The following ANTXR1 variants were observed in gnomAD, a reference collection of about 807,000 sequenced individuals.
The protein encoded by ANTXR1 is anthrax toxin receptor 1.
In ANTXR1, 19 loss-of-function variants were observed where a neutral mutation model predicts 78.1. The observed-to-expected ratio is 0.24, with a 90% CI of 0.17 to 0.36. ANTXR1 has a LOEUF of 0.36. ANTXR1 is among the 10% of genes least tolerant of loss of function. ANTXR1 has a pLI of 1.00. For missense variants in ANTXR1, 518 were observed against 718.6 expected (o/e 0.72, Z 3.19); for synonymous variants, 273 against 260.5 (o/e 1.05, Z -0.46).
At chr2:69,240,775 G>A (rs1675876710) in intron 17 of ANTXR1, among the ~76,000 whole-genome samples, 1 of 151,530 alleles carries the variant, frequency 6.6e-6, no homozygotes, top group East Asian at 1.9e-4. Flanking sequence ...TGGCTGTGTA[G>A]TCTCGAGCAA....
intron 17 of ANTXR1, among the ~76,000 whole-genome samples, chr2:69,200,869 T>A (rs1674758139): frequency 6.6e-6 from 1 of 152,150 alleles, no homozygotes; most frequent in African/African-American, 2.4e-5. Flanking sequence ...TGATCTCCAT[T>A]TTAAAGAACA....
intron 12 of ANTXR1, among the ~76,000 whole-genome samples, chr2:69,130,840 G>T (rs1014307231): frequency 6.6e-6 from 1 of 152,122 alleles, no homozygotes; most frequent in East Asian, 1.9e-4. Context: ...CTGTATTTTA[G>T]GAGCAGGCTG....
chr2:69,124,583 C>G lies in ANTXR1; in HGVS notation c.891C>G (p.Val297=). 4 of 1,614,186 alleles carry G rather than the reference C, an allele frequency of 2.5e-6. No individual in the cohort carries two copies. Among genetic ancestry groups the G allele is most frequent in the Non-Finnish European group, 3.4e-6 (4 of 1,180,024 alleles). The change falls in exon 12 of 18, where the codon GTC becomes GTG. Residue 297 remains valine, a synonymous_variant. Transcript: ENST00000303714. ...ATTGCAGGAAAGCTGCACTCCAGGT[C>G]AGCATGAACGATGGCCTCTCTTTTA... is the stretch of plus-strand genomic sequence containing the variant. ...KEVGMKAALQ[V]SMNDGLSFIS... is the part of the protein sequence containing the mutation.
rs752183765 is a variant in ANTXR1 at position 69,245,316 on chromosome 2, C to T, written c.1526C>T (p.Ala509Val). The T allele has an allele frequency of 1.3e-6, 2 of 1,562,804 alleles. No individual in the cohort carries two copies. The highest frequency in any genetic ancestry group is 8.7e-7 in the Non-Finnish European group (1 of 1,148,368). Residue 509 changes from alanine (A) to valine (V), a missense_variant, in exon 18 of 18, where the codon GCC becomes GTC. Ala to Val is a moderately conservative substitution (Grantham distance 64, BLOSUM62 0). Around this residue, in one of 5 missense-constraint regions of ANTXR1, gnomAD observed 192 missense variants for 230.2 expected, o/e 0.83. Transcript: ENST00000303714. ...NAYHTSSPPP[A>V]PIYTPPPPAP... ...TACCACACCTCCTCGCCGCCTCCTG[C>T]CCCCATCTACACTCCCCCACCTCCT...
chr2:69,180,739 G>A (rs929509286), intron 14 of ANTXR1, among the ~76,000 whole-genome samples: 2 of 152,336 alleles, frequency 1.3e-5, no homozygotes, highest in South Asian at 2.1e-4. Flanking sequence ...TGGAACGTAC[G>A]TTCTAGTGTG....
intron 9 of ANTXR1, among the ~76,000 whole-genome samples, chr2:69,093,129 T>C (rs1671292129): frequency 1.3e-5 from 2 of 152,196 alleles, no homozygotes; most frequent in Non-Finnish European, 2.9e-5. Context: ...AGGAAACTTA[T>C]TTCTCTCTAC....
At chr2:69,142,581 G>A (rs552096818) in intron 12 of ANTXR1, among the ~76,000 whole-genome samples, 11 of 152,306 alleles carry the variant, frequency 7.2e-5, no homozygotes, top group South Asian at 4.1e-4. Context: ...TGGCAAAACC[G>A]TGTCCATTTT....
chr2:69,101,926 G>GC, intron 9 of ANTXR1, among the ~76,000 whole-genome samples: 1 of 152,322 alleles, frequency 6.6e-6, no homozygotes, highest in African/African-American at 2.4e-5. Context: ...TAATTATTGG[G>GC]TTTTTTCCAT....
chr2:69,245,320 C>T lies in ANTXR1; in HGVS notation c.1530C>T (p.Pro510=). 1 of 1,607,944 alleles carries T rather than the reference C, an allele frequency of 6.2e-7. No homozygotes were observed. The highest frequency in any genetic ancestry group is 1.1e-5 in the South Asian group (1 of 90,508). ...ACACCTCCTCGCCGCCTCCTGCCCC[C>T]ATCTACACTCCCCCACCTCCTGCGC... is the stretch of plus-strand genomic sequence containing the variant. ...AYHTSSPPPA[P]IYTPPPPAPH... Residue 510 remains proline (P), a synonymous_variant, in exon 18 of 18, where the codon CCC becomes CCT. Transcript: ENST00000303714.
intron 8 of ANTXR1, among the ~76,000 whole-genome samples, chr2:69,086,062 A>C (rs1322937773): frequency 6.6e-6 from 1 of 152,246 alleles, no homozygotes; most frequent in Non-Finnish European, 1.5e-5. Flanking sequence ...AGCAAAAGAC[A>C]CCTATACCAT....
chr2:69,144,450 C>T (rs1673162484), intron 12 of ANTXR1, among the ~76,000 whole-genome samples: 1 of 152,218 alleles, frequency 6.6e-6, no homozygotes, highest in Admixed American at 6.5e-5. Flanking sequence ...CTTGAAGGCA[C>T]TCCAAAGTGC....
At chr2:69,024,078 GA>G (rs1268455806) in intron 1 of ANTXR1, among the ~76,000 whole-genome samples, 1 of 152,114 alleles carries the variant, frequency 6.6e-6, no homozygotes, top group Non-Finnish European at 1.5e-5. Flanking sequence ...GAGGATGAAG[GA>G]AAAAAATAAT....
intron 17 of ANTXR1, among the ~76,000 whole-genome samples, chr2:69,241,485 A>T (rs568812040): frequency 2.6e-5 from 4 of 152,156 alleles, no homozygotes; most frequent in Non-Finnish European, 5.9e-5. Context: ...ACCTTTTTTC[A>T]GGAAGATAAA....
At position 69,100,006 on chromosome 2, in the gene ANTXR1, ATT is replaced by A. The variant is rs1671556913; in HGVS notation, c.704-2835_704-2834del. Among the ~76,000 whole-genome samples, 9 of 152,362 alleles carry A rather than the reference ATT, an allele frequency of 5.9e-5. No individual in the cohort carries two copies. In the Middle Eastern group the frequency reaches 0.02, roughly 345 times the overall value. On this transcript the variant is annotated intron_variant, in intron 9 of 17. Transcript: ENST00000303714. Reference sequence around the variant, plus strand: ...CCTTAAAGGATAGATAACTTAAAAGATTAAATCAAAGACCATTTTCAGGTGGA... The same window carrying A: ...CCTTAAAGGATAGATAACTTAAAAGAAAATCAAAGACCATTTTCAGGTGGA...
rs532535675 is a variant in ANTXR1 at position 69,247,449 on chromosome 2, G to A, written c.*1964G>A. On this transcript the variant is annotated 3_prime_UTR_variant, in exon 18 of 18. Coordinates refer to ENST00000303714, the MANE Select transcript of ANTXR1 (RefSeq NM_032208.3). The stretch of plus-strand genomic sequence containing the variant: ...CCTTCTCCCACAGCTGCCTACAACA[G>A]AGTCTCCCAGCCTTCTCAGAGAGCT... 1 of 153,070 alleles carries A rather than the reference G, an allele frequency of 6.5e-6. No individual in the cohort carries two copies. The highest frequency in any genetic ancestry group is 1.5e-5 in the Non-Finnish European group (1 of 68,282). The allele number at this position is 153,070 out of a possible 1,614,324, so 9.5% of individuals were successfully genotyped here.
At chr2:69,155,464 A>G (rs1368498638) in intron 13 of ANTXR1, among the ~76,000 whole-genome samples, 2 of 152,224 alleles carry the variant, frequency 1.3e-5, no homozygotes, top group Non-Finnish European at 2.9e-5. Context: ...CAGTTCCACA[A>G]GGGACATTTC....
chr2:69,140,104 A>C (rs1412978053), intron 12 of ANTXR1, among the ~76,000 whole-genome samples: 4 of 152,218 alleles, frequency 2.6e-5, no homozygotes, highest in Non-Finnish European at 5.9e-5. Flanking sequence ...AATCACCTTC[A>C]CCATCGTAAG....
intron 12 of ANTXR1, among the ~76,000 whole-genome samples, chr2:69,125,735 G>A (rs1241401028): frequency 1.3e-5 from 2 of 152,116 alleles, no homozygotes; most frequent in African/African-American, 4.8e-5. Context: ...TAGCTACTCA[G>A]GAGGCTGAGA....
intron 10 of ANTXR1, among the ~76,000 whole-genome samples, chr2:69,119,210 G>A (rs540982291): frequency 3.9e-5 from 6 of 152,268 alleles, no homozygotes; most frequent in African/African-American, 7.2e-5. Flanking sequence ...GAGGCCAGGC[G>A]CTAACCCAGG....
Sources: gnomAD v4.1 joint callset for allele counts (sites outside exome capture counted in the v4.1 genomes callset) on GRCh38, gnomAD v4.1.1 for gene constraint, gnomAD v4.1.1 regional missense constraint, MANE v1.5 for transcripts, NCBI Gene and HGNC (gene_info 2026-07-23, HGNC 2026-07-21) for gene names.